CEP83: variants seen among roughly 807,000 people sequenced by gnomAD.
The protein encoded by CEP83 is centrosomal protein 83, also known as centrosomal protein of 83 kDa.
In CEP83, 70 loss-of-function variants were observed where a neutral mutation model predicts 101.9. The ratio of observed to expected loss-of-function variants is 0.69; its 90% CI spans 0.57 to 0.84. The LOEUF (loss-of-function observed/expected upper bound fraction) is 0.84. CEP83 is among the 40% of genes least tolerant of loss of function. The probability of loss-of-function intolerance (pLI) is 0.00; values close to 1 mark genes in which losing one functional copy is unlikely to be tolerated. For missense variants in CEP83, 715 were observed against 787.2 expected, an observed-to-expected ratio of 0.91 and a Z score of 1.10; for synonymous variants, 264 against 267.9, an observed-to-expected ratio of 0.99 and a Z score of 0.14.
the CEP83 span, chr12:94,279,529 A>G: frequency 6.2e-7 from 1 of 1,614,210 alleles, no homozygotes; most frequent in Non-Finnish European, 8.5e-7. Flanking sequence ...TGTCTGTCGG[A>G]ATATTTCAGT....
At chr12:94,353,636 G>T (rs2060302785) in intron 11 of CEP83, among the ~76,000 whole-genome samples, 1 of 151,888 alleles carries the variant, frequency 6.6e-6, no homozygotes, top group Admixed American at 6.6e-5. Flanking sequence ...CATATAGACT[G>T]GGTAAAGGCA....
chr12:94,449,721 C>CA (rs1172953834), intron 1 of CEP83, among the ~76,000 whole-genome samples: 18 of 127,482 alleles, frequency 1.4e-4, no homozygotes, highest in Non-Finnish European at 2.4e-4. Context: ...TGCAGTGAGC[C>CA]AAAATCACAC....
At chr12:94,266,953 G>A in the CEP83 span, among the ~76,000 whole-genome samples, 1 of 152,202 alleles carries the variant, frequency 6.6e-6, no homozygotes, top group African/African-American at 2.4e-5. Context: ...GAGCCCAGGC[G>A]TGGATGTATT....
At chr12:94,313,069 C>A in intron 14 of CEP83, 52 bp from the exon 15 acceptor site, 1 of 781,908 alleles carries the variant, frequency 1.3e-6, no homozygotes. Flanking sequence ...CTTATTTGAA[C>A]AAAACTATAT....
rs150110724 is a variant in CEP83 at position 94,310,631 on chromosome 12, A to G, written c.1812-524T>C. On this transcript the variant is annotated intron_variant, in intron 15 of 16. Coordinates refer to ENST00000397809, the MANE Select transcript of CEP83 (RefSeq NM_016122.3). ...GTGGGTTTCACATCCTGTGAATACT[A>G]TATTTTCTATCCATGTTTGCCCGAA... Among the ~76,000 whole-genome samples, 260 of 152,324 alleles carry G rather than the reference A, an allele frequency of 1.7e-3. 4 individuals are homozygous for G. Among genetic ancestry groups the G allele is most frequent in the Admixed American group, 0.014 (210 of 15,294 alleles).
intron 8 of CEP83, among the ~76,000 whole-genome samples, chr12:94,370,752 C>T (rs1202891867): frequency 6.6e-6 from 1 of 152,106 alleles, no homozygotes; most frequent in Non-Finnish European, 1.5e-5. Context: ...ACTCAAGAGG[C>T]TGTGGCAGAA....
downstream of CEP83, chr12:94,307,672 T>C (rs1023763024): frequency 1.6e-5 from 2 of 124,148 alleles, no homozygotes; most frequent in African/African-American, 2.8e-5. Flanking sequence ...TTGATGTAAC[T>C]GTGGACTGTC....
intron 15 of CEP83, among the ~76,000 whole-genome samples, chr12:94,312,027 A>T (rs1201104964): frequency 6.6e-6 from 1 of 152,108 alleles, no homozygotes; most frequent in Non-Finnish European, 1.5e-5. Flanking sequence ...GTTAGCTATG[A>T]TCGTGCCACT....
intron 2 of CEP83, chr12:94,424,485 T>C (rs113135726): frequency 6.8e-6 from 11 of 1,613,994 alleles, no homozygotes; most frequent in Middle Eastern, 1.7e-4. Context: ...CGGGTGGAGA[T>C]AACCTGGCCA....
chr12:94,444,844 GT>G (rs1393069755), intron 1 of CEP83, among the ~76,000 whole-genome samples: 11 of 152,088 alleles, frequency 7.2e-5, no homozygotes, highest in Admixed American at 6.5e-4. Context: ...TTTTATAATT[GT>G]TTTTAAAAAG....
At chr12:94,303,633 G>T, downstream of CEP83, 1 of 750,854 alleles carries the variant, frequency 1.3e-6, no homozygotes, top group Non-Finnish European at 2.0e-6. Flanking sequence ...TTGTTAGCAA[G>T]AGGTAAAACT....
chr12:94,428,438 T>G (rs1210278555), intron 2 of CEP83, among the ~76,000 whole-genome samples: 1 of 152,228 alleles, frequency 6.6e-6, no homozygotes, highest in East Asian at 1.9e-4. Flanking sequence ...GATTATCTAC[T>G]GATGCAACAG....
At chr12:94,295,024 T>A in the CEP83 span, among the ~76,000 whole-genome samples, 2 of 152,202 alleles carry the variant, frequency 1.3e-5, no homozygotes, top group South Asian at 4.1e-4. Flanking sequence ...GGAACTTTTA[T>A]GGGAAAGTCA....
chr12:94,415,839 A>C (rs73218259), intron 2 of CEP83, among the ~76,000 whole-genome samples: 15,123 of 152,136 alleles, frequency 0.099, 870 homozygotes, highest in Admixed American at 0.15. Context: ...AAACAACACA[A>C]TTAACCATGC....
In CEP83 at chr12:94,454,757, C is replaced by CT. The variant is rs569110435; in HGVS notation, c.-155+4799_-155+4800insA. Among the ~76,000 whole-genome samples the CT allele has an allele frequency of 2.3e-4, 35 of 152,280 alleles. No homozygotes were observed. In the South Asian group the frequency reaches 6.8e-3, roughly 30 times the overall value. On this transcript the variant is annotated intron_variant, in intron 1 of 16. Coordinates refer to ENST00000397809, the MANE Select transcript of CEP83 (RefSeq NM_016122.3). The stretch of plus-strand genomic sequence containing the variant: ...TCCGCAGCTTCACTCCTGAAGCCAG[C>CT]GAGACCACGAACCCACCGGGAGGAA...
intron 11 of CEP83, among the ~76,000 whole-genome samples, chr12:94,338,194 TA>T (rs1593241778): frequency 6.6e-6 from 1 of 152,124 alleles, no homozygotes; most frequent in African/African-American, 2.4e-5. Context: ...GCAGATAGAA[TA>T]AACTGTAAGG....
At chr12:94,388,619 GA>G (rs2062312597) in intron 6 of CEP83, among the ~76,000 whole-genome samples, 1 of 152,068 alleles carries the variant, frequency 6.6e-6, no homozygotes, top group Non-Finnish European at 1.5e-5. Context: ...TTTAAAAAAA[GA>G]AAAGTTAAGT....
intron 11 of CEP83, among the ~76,000 whole-genome samples, chr12:94,344,807 G>A (rs2059854908): frequency 6.6e-6 from 1 of 151,976 alleles, no homozygotes; most frequent in African/African-American, 2.4e-5. Context: ...AATTTAAAAA[G>A]ATAAAAAACT....
chr12:94,288,734 G>C, the CEP83 span, among the ~76,000 whole-genome samples: 1 of 152,232 alleles, frequency 6.6e-6, no homozygotes, highest in Non-Finnish European at 1.5e-5. Context: ...TGGGGCATCA[G>C]TGAGAAGAGC....
Sources: allele counts gnomAD v4.1 joint callset (sites outside exome capture counted in the v4.1 genomes callset), GRCh38; gene constraint gnomAD v4.1.1; transcripts MANE v1.5; gene names NCBI Gene and HGNC (gene_info 2026-07-23, HGNC 2026-07-21).